FAM120A: variants seen among roughly 807,000 people sequenced by gnomAD.
The protein encoded by FAM120A is constitutive coactivator of PPAR-gamma-like protein 1.
A neutral mutation model predicts 109.7 loss-of-function variants in FAM120A; 15 were observed. The observed-to-expected ratio is 0.14, with a 90% CI of 0.09 to 0.21. The LOEUF is 0.21. Ranked by LOEUF, FAM120A falls within the 10% of genes least tolerant of loss-of-function variation. The pLI is 1.00. For synonymous variants in FAM120A, 493 were observed against 572.8 expected (o/e 0.86, Z 1.99); for missense variants, 899 against 1,439.3 (o/e 0.62, Z 6.07).
rs750703542 is a variant in FAM120A, at chr9:93,476,303, T to A, written c.769T>A (p.Leu257Ile). 4 of 1,610,144 alleles carry A rather than the reference T, an allele frequency of 2.5e-6. No homozygotes were observed. Among genetic ancestry groups the A allele is most frequent in the Non-Finnish European group, 3.4e-6 (4 of 1,176,492 alleles). ...AGATCTGGCTTCCTTTCACTGGAGTTTACTTGGTCCAGAACATCCACTAGC... is the reference window on the plus strand; with the variant it reads ...AGATCTGGCTTCCTTTCACTGGAGTATACTTGGTCCAGAACATCCACTAGC... ...DEDLASFHWS[L>I]LGPEHPLASL... is the part of the protein sequence containing the mutation. Residue 257 changes from leucine to isoleucine, a missense_variant, in exon 3 of 18, where the codon TTA (leucine) becomes ATA (isoleucine). Leu to Ile is a conservative substitution (Grantham distance 5, BLOSUM62 2). Transcript: ENST00000277165.
chr9:93,557,338 C>T (rs1002269901), intron 13 of FAM120A, among the ~76,000 whole-genome samples: 1 of 152,098 alleles, frequency 6.6e-6, no homozygotes, highest in Non-Finnish European at 1.5e-5. Flanking sequence ...CTATGTTGGT[C>T]AGGCTGGTCT....
At chr9:93,551,070 A>T (rs986930777) in intron 12 of FAM120A, among the ~76,000 whole-genome samples, 20 of 152,296 alleles carry the variant, frequency 1.3e-4, no homozygotes, top group African/African-American at 4.8e-4. Context: ...TCTAGCAAGG[A>T]TTCTTTTTCT....
intron 8 of FAM120A, among the ~76,000 whole-genome samples, chr9:93,527,763 T>G (rs1861152675): frequency 6.6e-6 from 1 of 151,566 alleles, no homozygotes; most frequent in African/African-American, 2.4e-5. Flanking sequence ...GCTGAGATTA[T>G]AGGCGTGCAC....
At chr9:93,461,222 A>C (rs1362045107) in intron 1 of FAM120A, among the ~76,000 whole-genome samples, 1 of 152,188 alleles carries the variant, frequency 6.6e-6, no homozygotes, top group Non-Finnish European at 1.5e-5. Flanking sequence ...TTGGTGTTTT[A>C]CTGGTTAGTG....
At chr9:93,457,038 T>G (rs1045299906) in intron 1 of FAM120A, among the ~76,000 whole-genome samples, 2 of 152,212 alleles carry the variant, frequency 1.3e-5, no homozygotes, top group African/African-American at 4.8e-5. Flanking sequence ...TCTTCAAGCT[T>G]CTTTCATGTT....
At chr9:93,556,697 C>G in intron 13 of FAM120A, 106 bp downstream of exon 13, 9 of 1,218,874 alleles carry the variant, frequency 7.4e-6, no homozygotes, top group East Asian at 2.4e-5. Context: ...TTTCAAGATT[C>G]TGTTTTAGGT....
chr9:93,452,993 G>T lies in FAM120A; in HGVS notation c.474+604G>T. ...CCCTGTCCGTGTTCCTCTTAGTACA[G>T]GGTGTTTAGAGAATCTTTCTATGGC... On this transcript the variant is annotated intron_variant, in intron 1 of 17. Coordinates refer to ENST00000277165, the MANE Select transcript of FAM120A (RefSeq NM_014612.5). The surrounding 1 kb of genome is among the most constrained non-coding windows in gnomAD (Gnocchi z 7.0). 7.8e-7 allele frequency: 1 copy of T among 1,290,056 alleles called. No individual in the cohort carries two copies. The highest frequency in any genetic ancestry group is 9.8e-7 in the Non-Finnish European group (1 of 1,018,694). The allele number at this position is 1,290,056 out of a possible 1,614,324, so 79.9% of individuals were successfully genotyped here.
chr9:93,462,234 A>G (rs1443628836), intron 1 of FAM120A, among the ~76,000 whole-genome samples: 1 of 152,216 alleles, frequency 6.6e-6, no homozygotes, highest in African/African-American at 2.4e-5. Context: ...CACCTAACAT[A>G]AAATTTACCA....
Position 93,498,649 on chromosome 9 carries a change from G to A in FAM120A, c.934-141G>A. On this transcript the variant is annotated intron_variant, in intron 4 of 17. Coordinates refer to ENST00000277165, the MANE Select transcript of FAM120A (RefSeq NM_014612.5). The surrounding 1 kb of genome is among the most constrained non-coding windows in gnomAD (Gnocchi z 4.4). Reference sequence around the variant, plus strand: ...TTGTAGTAATCTATTGATTTTCCCTGAAAGTTTTAATGTCATTCAAAATTC... The same window carrying A: ...TTGTAGTAATCTATTGATTTTCCCTAAAAGTTTTAATGTCATTCAAAATTC... 1.5e-6 allele frequency: 1 copy of A among 678,690 alleles called. No individual in the cohort carries two copies. Among genetic ancestry groups the A allele is most frequent in the Non-Finnish European group, 2.6e-6 (1 of 378,252 alleles). The allele number at this position is 678,690 out of a possible 1,614,324, so 42.0% of individuals were successfully genotyped here.
At chr9:93,454,182 C>T (rs1290807462) in intron 1 of FAM120A, among the ~76,000 whole-genome samples, 1 of 152,138 alleles carries the variant, frequency 6.6e-6, no homozygotes, top group Admixed American at 6.5e-5. Flanking sequence ...GGTTTCTGGA[C>T]ACGGGATAAT....
intron 1 of FAM120A, among the ~76,000 whole-genome samples, chr9:93,461,595 G>A (rs1436414288): frequency 1.3e-5 from 2 of 152,128 alleles, no homozygotes; most frequent in Non-Finnish European, 2.9e-5. Flanking sequence ...TACAAATAAT[G>A]TGTGTGTTTC....
chr9:93,484,695 T>A (rs2131305521), intron 3 of FAM120A, among the ~76,000 whole-genome samples: 1 of 152,304 alleles, frequency 6.6e-6, no homozygotes, highest in South Asian at 2.1e-4. Flanking sequence ...TGCCTCAGCC[T>A]CCCAAGTAGC....
At chr9:93,558,796 C>T (rs1862381344) in intron 15 of FAM120A, 78 bp downstream of exon 15, 1 of 1,529,294 alleles carries the variant, frequency 6.5e-7, no homozygotes, top group Non-Finnish European at 8.9e-7. Context: ...CTTCCTTCCT[C>T]TACTGTCCTC....
intron 10 of FAM120A, among the ~76,000 whole-genome samples, chr9:93,536,465 G>A (rs1356959228): frequency 6.6e-6 from 1 of 152,158 alleles, no homozygotes; most frequent in Non-Finnish European, 1.5e-5. Context: ...TCCTGTTAAT[G>A]GTCACTGTAA....
chr9:93,551,896 G>A (rs1862113788), intron 12 of FAM120A, among the ~76,000 whole-genome samples: 1 of 152,198 alleles, frequency 6.6e-6, no homozygotes, highest in Non-Finnish European at 1.5e-5. Flanking sequence ...TATTTTTAAT[G>A]TTTTTGAATT....
intron 1 of FAM120A, among the ~76,000 whole-genome samples, chr9:93,466,833 T>A (rs1044946011): frequency 6.6e-6 from 1 of 152,180 alleles, no homozygotes; most frequent in African/African-American, 2.4e-5. Context: ...GTAGTTTCTT[T>A]CTCTGACAGT....
intron 10 of FAM120A, among the ~76,000 whole-genome samples, chr9:93,535,654 A>G (rs1052595323): frequency 2.6e-5 from 4 of 152,216 alleles, no homozygotes; most frequent in African/African-American, 9.6e-5. Context: ...GATAAAATTG[A>G]ACTTGTTTCA....
At chr9:93,502,756 G>C (rs911350551) in intron 5 of FAM120A, among the ~76,000 whole-genome samples, 1 of 152,204 alleles carries the variant, frequency 6.6e-6, no homozygotes, top group Non-Finnish European at 1.5e-5. Context: ...TGTTCTTTCT[G>C]TCTCAGCATG....
At chr9:93,557,649 G>A (rs1290613569) in intron 13 of FAM120A, among the ~76,000 whole-genome samples, 178 bp from the exon 14 acceptor site, 1 of 152,208 alleles carries the variant, frequency 6.6e-6, no homozygotes, top group African/African-American at 2.4e-5. Context: ...ACTGCCATAA[G>A]TATTGATTTT....
Sources: gnomAD v4.1 joint callset for allele counts (sites outside exome capture counted in the v4.1 genomes callset) on GRCh38, gnomAD v4.1.1 for gene constraint, Gnocchi (gnomAD v3.1) non-coding constraint, MANE v1.5 for transcripts, NCBI Gene and HGNC (gene_info 2026-07-23, HGNC 2026-07-21) for gene names.